Variants in DCHS2 observed in about 807,000 individuals in gnomAD.
The protein encoded by DCHS2 is protocadherin-23.
DCHS2 carries 142 observed loss-of-function variants against 182.4 expected under a neutral mutation model. The observed-to-expected ratio is 0.78, with a 90% CI of 0.68 to 0.89. DCHS2 has a LOEUF of 0.89. Ranked by LOEUF, DCHS2 falls within the 40% of genes least tolerant of loss-of-function variation. The probability of loss-of-function intolerance (pLI) is 0.00; values close to 1 mark genes in which losing one functional copy is unlikely to be tolerated. For missense variants in DCHS2, 4,319 were observed against 4,198.6 expected, an observed-to-expected ratio of 1.03 and a Z score of -0.79; for synonymous variants, 1,740 against 1,663.3, an observed-to-expected ratio of 1.05 and a Z score of -1.12.
At chr4:154,271,198 T>C (rs953165290) in intron 13 of DCHS2, among the ~76,000 whole-genome samples, 2 of 151,878 alleles carry the variant, frequency 1.3e-5, no homozygotes, top group Non-Finnish European at 2.9e-5. Context: ...TGAAGAAGGG[T>C]AAGAGAGGTA....
chr4:154,270,015 T>C lies in DCHS2; in HGVS notation c.6464-2A>G. On this transcript the variant is annotated splice_acceptor_variant, in intron 13 of 19. Coordinates refer to ENST00000357232, the MANE Select transcript of DCHS2 (RefSeq NM_001358235.2). LOFTEE classifies it high-confidence loss of function. ...CTTTAACAGTCACAATAGAAGTACCTGTAAAAATTAGGTAAAAAAAGAACT... is the reference window on the plus strand; with the variant it reads ...CTTTAACAGTCACAATAGAAGTACCCGTAAAAATTAGGTAAAAAAAGAACT... The C allele has an allele frequency of 6.3e-7, 1 of 1,590,264 alleles. No individual in the cohort carries two copies. Among genetic ancestry groups the C allele is most frequent in the Non-Finnish European group, 8.5e-7 (1 of 1,173,412 alleles).
At chr4:154,310,855 G>A (rs1283865655) in intron 10 of DCHS2, among the ~76,000 whole-genome samples, 4 of 152,136 alleles carry the variant, frequency 2.6e-5, no homozygotes, top group Non-Finnish European at 5.9e-5. Context: ...GTCTTAATTA[G>A]ACACATGCAT....
intron 14 of DCHS2, chr4:154,262,292 C>T (rs1733023163): frequency 6.6e-6 from 1 of 152,098 alleles, no homozygotes. Flanking sequence ...GAAAGTCGTG[C>T]AAGTAGAAAA....
At chr4:154,352,192 C>A (rs536342446) in intron 3 of DCHS2, among the ~76,000 whole-genome samples, 3 of 152,162 alleles carry the variant, frequency 2.0e-5, no homozygotes, top group Non-Finnish European at 4.4e-5. Context: ...TCTATATGGA[C>A]TTCCAAGAAT....
chr4:154,387,413 TAAA>T (rs1422528354), intron 1 of DCHS2, among the ~76,000 whole-genome samples: 2 of 152,034 alleles, frequency 1.3e-5, no homozygotes, highest in Non-Finnish European at 2.9e-5. Flanking sequence ...CTACTAAAAC[TAAA>T]AGTGTATATA....
chr4:154,420,189 A>AG (rs1733044432), intron 1 of DCHS2, among the ~76,000 whole-genome samples: 1 of 152,022 alleles, frequency 6.6e-6, no homozygotes, highest in Admixed American at 6.6e-5. Flanking sequence ...AGAAGAAGTG[A>AG]GAAAAAAAAG....
chr4:154,251,045 G>A (rs1313988825), intron 16 of DCHS2, among the ~76,000 whole-genome samples: 1 of 152,048 alleles, frequency 6.6e-6, no homozygotes, highest in Non-Finnish European at 1.5e-5. Context: ...TTTTCTCAGG[G>A]CATCAATAGA....
intron 1 of DCHS2, among the ~76,000 whole-genome samples, chr4:154,409,297 C>A (rs1345497540): frequency 6.6e-6 from 1 of 152,272 alleles, no homozygotes; most frequent in African/African-American, 2.4e-5. Flanking sequence ...CTTGACCCCA[C>A]AGAATCTGAG....
chr4:154,436,108 G>T (rs1733768149), intron 1 of DCHS2, among the ~76,000 whole-genome samples: 1 of 152,090 alleles, frequency 6.6e-6, no homozygotes, highest in Non-Finnish European at 1.5e-5. Context: ...CCTGTCAGGG[G>T]GTTCCCCAAA....
At chr4:154,239,006 C>T (rs575739498) in intron 19 of DCHS2, among the ~76,000 whole-genome samples, 164 bp downstream of exon 19, 3 of 151,878 alleles carry the variant, frequency 2.0e-5, no homozygotes, top group South Asian at 2.1e-4. Context: ...CTGGCATTTG[C>T]TATCGCAGCA....
At chr4:154,313,730 C>T (rs576603957) in intron 10 of DCHS2, among the ~76,000 whole-genome samples, 2 of 152,244 alleles carry the variant, frequency 1.3e-5, no homozygotes, top group African/African-American at 4.8e-5. Flanking sequence ...ACAGACCTGG[C>T]CTCATTAAAA....
intron 16 of DCHS2, among the ~76,000 whole-genome samples, chr4:154,246,404 A>G (rs1408703473): frequency 6.6e-6 from 1 of 152,136 alleles, no homozygotes; most frequent in Non-Finnish European, 1.5e-5. Flanking sequence ...ATCCTGAAAA[A>G]TAGTCGACTT....
chr4:154,432,221 A>G (rs866842396), intron 1 of DCHS2, among the ~76,000 whole-genome samples: 5 of 152,252 alleles, frequency 3.3e-5, no homozygotes, highest in Admixed American at 6.5e-5. Context: ...ATCTTTTTAC[A>G]TATTCTCCTG....
At chr4:154,334,524 A>G in intron 4 of DCHS2, 1 of 216,768 alleles carries the variant, frequency 4.6e-6, no homozygotes, top group Non-Finnish European at 9.2e-6. Context: ...GCTCTATAAC[A>G]ACAAATATAG....
chr4:154,428,273 G>C (rs1251446011), intron 1 of DCHS2, among the ~76,000 whole-genome samples: 1 of 152,200 alleles, frequency 6.6e-6, no homozygotes, highest in Admixed American at 6.5e-5. Context: ...AGGCAGAATG[G>C]CTCATGCTTA....
chr4:154,413,758 C>CAGTT, intron 1 of DCHS2, among the ~76,000 whole-genome samples: 1 of 152,194 alleles, frequency 6.6e-6, no homozygotes, highest in Admixed American at 6.5e-5. Context: ...CCTTACCTGG[C>CAGTT]CTCCCTGTCC....
In DCHS2 at chr4:154,334,933, A is replaced by G. The variant is rs1481091846; in HGVS notation, c.2648T>C (p.Phe883Ser). 2 of 1,614,066 alleles carry G rather than the reference A, an allele frequency of 1.2e-6. No individual in the cohort carries two copies. The highest frequency in any genetic ancestry group is 1.7e-6 in the Non-Finnish European group (2 of 1,180,032). ...TTCAGGCACATCTTCATAAACTAAGAAAGTGTACTTAGGCCTTTCAAACTC... is the reference window on the plus strand; with the variant it reads ...TTCAGGCACATCTTCATAAACTAAGGAAGTGTACTTAGGCCTTTCAAACTC... ...PAEFERPKYTFLVYEDVPEDS... is the reference protein window; with the variant it reads ...PAEFERPKYTSLVYEDVPEDS... Residue 883 changes from phenylalanine (F) to serine (S), a missense_variant, in exon 4 of 20, where the codon TTC becomes TCC. By Grantham distance (155) the Phe-to-Ser change is radical (BLOSUM62 -2). Transcript: ENST00000357232.
Position 154,234,054 on chromosome 4 carries a change from GCTTTAT to G in DCHS2, c.*476_*481del, listed in dbSNP as rs1205930853. ...AAATATATCAGATCCACCAACTATTGCTTTATCTTAAAATGAAAGTTTATTCCTCTA... is the reference window on the plus strand; with the variant it reads ...AAATATATCAGATCCACCAACTATTGCTTAAAATGAAAGTTTATTCCTCTA... On this transcript the variant is annotated 3_prime_UTR_variant, in exon 20 of 20. Coordinates refer to ENST00000357232, the MANE Select transcript of DCHS2 (RefSeq NM_001358235.2). The G allele has an allele frequency of 6.6e-6, 1 of 152,446 alleles. No homozygotes were observed. Among genetic ancestry groups the G allele is most frequent in the Non-Finnish European group, 1.5e-5 (1 of 68,306 alleles). 9.4% of individuals were successfully genotyped at this position (152,446 alleles called of 1,614,324 possible). A position where few individuals can be genotyped will look rare whatever the true frequency, so the allele number is the denominator to read the frequency against.
chr4:154,459,320 T>C (rs1348583125), intron 1 of DCHS2, among the ~76,000 whole-genome samples: 2 of 152,082 alleles, frequency 1.3e-5, no homozygotes, highest in South Asian at 2.1e-4. Context: ...GCCCAAGTGA[T>C]AAAACTCCTG....
Sources: allele counts gnomAD v4.1 joint callset (sites outside exome capture counted in the v4.1 genomes callset), GRCh38; gene constraint gnomAD v4.1.1; transcripts MANE v1.5; gene names NCBI Gene and HGNC (gene_info 2026-07-23, HGNC 2026-07-21).